CPAMD8: variants seen among roughly 807,000 people sequenced by gnomAD.
The protein encoded by CPAMD8 is C3 and PZP-like alpha-2-macroglobulin domain-containing protein 8.
A neutral mutation model predicts 224.7 loss-of-function variants in CPAMD8; 146 were observed. The observed-to-expected ratio is 0.65, with a 90% CI of 0.57 to 0.75. CPAMD8 has a LOEUF of 0.75. CPAMD8 is among the 30% of genes least tolerant of loss of function. The pLI, the probability that CPAMD8 is intolerant of heterozygous loss-of-function variation, is 0.00. For synonymous variants in CPAMD8, 966 were observed against 1,044.6 expected (o/e 0.92, Z 1.45); for missense variants, 2,301 against 2,537.5 (o/e 0.91, Z 2.00).
intron 26 of CPAMD8, among the ~76,000 whole-genome samples, chr19:16,923,741 A>T (rs2053257727): frequency 1.3e-5 from 2 of 152,148 alleles, no homozygotes; most frequent in African/African-American, 4.8e-5. Flanking sequence ...AGGTGAGAGG[A>T]TCACTTGAGG....
At chr19:16,997,429 C>A in intron 10 of CPAMD8, 91 bp from the exon 11 acceptor site, 1 of 766,578 alleles carries the variant, frequency 1.3e-6, no homozygotes. Flanking sequence ...GTGCAAGACT[C>A]TTCAGCTGCT....
rs763559280 is a variant in CPAMD8 at position 16,899,576 on chromosome 19, C to T, written c.4774-27G>A. 20 of 1,129,598 alleles carry T rather than the reference C, an allele frequency of 1.8e-5. No homozygotes were observed. The East Asian group carries it at 4.5e-4, about 25-fold the overall frequency. The allele number at this position is 1,129,598 out of a possible 1,614,324, so 70.0% of individuals were successfully genotyped here. On this transcript the variant is annotated intron_variant, in intron 36 of 41. Coordinates refer to ENST00000443236, the MANE Select transcript of CPAMD8 (RefSeq NM_015692.5). The surrounding 1 kb of genome is among the most constrained non-coding windows in gnomAD (Gnocchi z 5.4). ...TGCAGAGGAAGCCAGAAGTCAGGGT[C>T]CTCAGACTCTCTACTTGCTTCCTCT...
chr19:16,903,709 G>A lies in CPAMD8; in HGVS notation c.4400C>T (p.Thr1467Ile). 6.2e-7 allele frequency: 1 copy of A among 1,614,172 alleles called. No homozygotes were observed. The highest frequency in any genetic ancestry group is 1.7e-5 in the Admixed American group (1 of 60,020). Residue 1467 changes from threonine to isoleucine, a missense_variant, in exon 33 of 42, where the codon ACA becomes ATA. Transcript: ENST00000443236. The part of the protein sequence containing the change: ...LHRTNQKVLQ[T>I]AAIPSLPTGL... The stretch of plus-strand genomic sequence containing the variant: ...CATCCCAGGAACACGCACCGCTGCT[G>A]TCTGCAGAACCTTCTGGTTGGTCCT...
chr19:17,008,032 G>A (rs1223540278), intron 7 of CPAMD8, among the ~76,000 whole-genome samples: 16 of 152,214 alleles, frequency 1.1e-4, no homozygotes, highest in Non-Finnish European at 1.5e-4. Flanking sequence ...AGCCAGGCGT[G>A]GTGCCATGCA....
At chr19:16,938,020 C>T (rs1046866217) in intron 23 of CPAMD8, among the ~76,000 whole-genome samples, 3 of 152,214 alleles carry the variant, frequency 2.0e-5, no homozygotes, top group Admixed American at 2.0e-4. Context: ...CTCCTGACTT[C>T]AAATGATCCA....
intron 27 of CPAMD8, among the ~76,000 whole-genome samples, chr19:16,917,326 T>A (rs1196110258): frequency 6.6e-6 from 1 of 152,188 alleles, no homozygotes; most frequent in East Asian, 1.9e-4. Flanking sequence ...GGTCCATCAA[T>A]TGTAACAAAT....
intron 30 of CPAMD8, among the ~76,000 whole-genome samples, chr19:16,906,338 CTTTCTTTCTTTCTT>C (rs2052479627): frequency 1.1e-4 from 3 of 26,890 alleles, no homozygotes; most frequent in Admixed American, 4.1e-4. Flanking sequence ...CCTTCTTTCC[CTTTCTTTCTTTCTT>C]TCTTTCTTTC....
At position 17,004,017 on chromosome 19, in the gene CPAMD8, T is replaced by C. The variant is rs568118891; in HGVS notation, c.673+256A>G. On this transcript the variant is annotated intron_variant, in intron 8 of 41. Coordinates refer to ENST00000443236, the MANE Select transcript of CPAMD8 (RefSeq NM_015692.5). ...TGCCTCCCGGTTCAAGTGATACTCC[T>C]GCCTCAGCCTCCCAAGTAGCTGGGA... Among the ~76,000 whole-genome samples the C allele has an allele frequency of 4.6e-5, 7 of 151,944 alleles. No individual in the cohort carries two copies. In the South Asian group the frequency reaches 1.5e-3, roughly 32 times the overall value.
intron 11 of CPAMD8, among the ~76,000 whole-genome samples, chr19:16,994,811 C>A (rs2056075018): frequency 6.6e-6 from 1 of 151,676 alleles, no homozygotes; most frequent in African/African-American, 2.4e-5. Context: ...TGGCCTATTT[C>A]TTTTTATTTT....
intron 7 of CPAMD8, among the ~76,000 whole-genome samples, chr19:17,007,864 T>C (rs1568594649): frequency 6.6e-6 from 1 of 152,206 alleles, no homozygotes; most frequent in East Asian, 1.9e-4. Context: ...CTGCAACCTA[T>C]AGCAGGAAGA....
In CPAMD8 at chr19:16,925,181, C is replaced by T; in HGVS notation, c.3547+15G>A. On this transcript the variant is annotated intron_variant, in intron 26 of 41. Coordinates refer to ENST00000443236, the MANE Select transcript of CPAMD8 (RefSeq NM_015692.5). The stretch of plus-strand genomic sequence containing the variant: ...CCTTGCTCCCACCTCAACCCAGGCA[C>T]TTCTTCCCCAATACCTTGTACTAGG... 1 of 1,613,346 alleles carries T rather than the reference C, an allele frequency of 6.2e-7. No individual in the cohort carries two copies. The highest frequency in any genetic ancestry group is 8.5e-7 in the Non-Finnish European group (1 of 1,179,438).
intron 35 of CPAMD8, among the ~76,000 whole-genome samples, chr19:16,902,183 A>G (rs1332945711): frequency 6.6e-6 from 1 of 151,498 alleles, no homozygotes; most frequent in African/African-American, 2.4e-5. Flanking sequence ...CGCCCCGACC[A>G]TACTGGAGTC....
At chr19:16,943,962 T>C (rs751069662) in intron 22 of CPAMD8, among the ~76,000 whole-genome samples, 1 of 152,150 alleles carries the variant, frequency 6.6e-6, no homozygotes, top group Non-Finnish European at 1.5e-5. Flanking sequence ...TGGAGATGAT[T>C]GAACACTCTC....
chr19:17,019,295 G>C (rs1599930434), intron 3 of CPAMD8, among the ~76,000 whole-genome samples: 1 of 151,812 alleles, frequency 6.6e-6, no homozygotes, highest in Non-Finnish European at 1.5e-5. Context: ...GTTAACTTTT[G>C]TATTTTTAGT....
intron 2 of CPAMD8, among the ~76,000 whole-genome samples, chr19:17,021,364 G>A (rs1440427910): frequency 6.6e-6 from 1 of 152,198 alleles, no homozygotes; most frequent in Non-Finnish European, 1.5e-5. Context: ...GGTTCTAGAA[G>A]CTTCCACATT....
Position 16,933,135 on chromosome 19 carries a change from G to C in CPAMD8, c.2846-3895C>G, listed in dbSNP as rs185059829. On this transcript the variant is annotated intron_variant, in intron 23 of 41. Coordinates refer to ENST00000443236, the MANE Select transcript of CPAMD8 (RefSeq NM_015692.5). ...TCAATAAATGGTGCTGGCACAGTTG[G>C]CTATCCAAATGCAGAAACATAAACT... is the stretch of plus-strand genomic sequence containing the variant. 2.8e-3 allele frequency among the ~76,000 whole-genome samples: 419 copies of C among 152,138 alleles called. 2 individuals carry two copies. Among genetic ancestry groups the C allele is most frequent in the African/African-American group, 9.8e-3 (408 of 41,504 alleles).
intron 3 of CPAMD8, among the ~76,000 whole-genome samples, chr19:17,016,239 G>C (rs1273165227): frequency 6.6e-6 from 1 of 152,196 alleles, no homozygotes; most frequent in African/African-American, 2.4e-5. Flanking sequence ...ACAGGCACCA[G>C]TCACTGTGCC....
chr19:17,020,866 C>T (rs757502313), intron 2 of CPAMD8, among the ~76,000 whole-genome samples: 3 of 152,228 alleles, frequency 2.0e-5, no homozygotes, highest in Non-Finnish European at 2.9e-5. Context: ...ACCATTATCC[C>T]ATTTCCTGCT....
chr19:16,971,121 C>A, intron 17 of CPAMD8, 88 bp from the exon 18 acceptor site: 1 of 1,228,688 alleles, frequency 8.1e-7, no homozygotes, highest in Non-Finnish European at 1.1e-6. Flanking sequence ...ACCCTGTGGC[C>A]ACTGTCCCAA....
Sources: gnomAD v4.1 joint callset for allele counts (sites outside exome capture counted in the v4.1 genomes callset) on GRCh38, gnomAD v4.1.1 for gene constraint, Gnocchi (gnomAD v3.1) non-coding constraint, MANE v1.5 for transcripts, NCBI Gene and HGNC (gene_info 2026-07-23, HGNC 2026-07-21) for gene names.